Variants in GAS6 observed in about 807,000 individuals in gnomAD.
GAS6 encodes growth arrest specific 6.
GAS6 carries 41 observed loss-of-function variants against 75.8 expected under a neutral mutation model. The observed-to-expected ratio is 0.54, with a 90% confidence interval of 0.42 to 0.70. The LOEUF (loss-of-function observed/expected upper bound fraction) is 0.70, where lower values mean the gene tolerates loss of function less well. Among genes scored for constraint, GAS6 ranks in the 30% least tolerant of loss-of-function variants. The pLI is 0.00. For synonymous variants in GAS6, 432 were observed against 412.6 expected, an observed-to-expected ratio of 1.05 and a Z score of -0.57; for missense variants, 854 against 940.2, an observed-to-expected ratio of 0.91 and a Z score of 1.20.
intron 2 of GAS6, among the ~76,000 whole-genome samples, chr13:113,861,932 GGA>G (rs1265591682): frequency 6.6e-6 from 1 of 152,194 alleles, no homozygotes; most frequent in Non-Finnish European, 1.5e-5. Context: ...AGGATGGGAG[GGA>G]TGCCTCCCGG....
rs35275611 is a variant in GAS6, at chr13:113,850,593, G to T, written c.256-2543C>A. 9.7e-3 allele frequency among the ~76,000 whole-genome samples: 1,471 copies of T among 152,308 alleles called. 11 individuals carry two copies. Among genetic ancestry groups the T allele is most frequent in the Non-Finnish European group, 0.013 (888 of 68,032 alleles). On this transcript the variant is annotated intron_variant, in intron 2 of 14. Coordinates refer to ENST00000327773, the MANE Select transcript of GAS6 (RefSeq NM_000820.4). ...CCAAGCCACTGCACTGTTAGCTGAA[G>T]CTTCAAGAGGAAAAAGACAACATCT...
intron 2 of GAS6, among the ~76,000 whole-genome samples, chr13:113,858,129 T>C (rs1204188126): frequency 2.0e-5 from 3 of 152,226 alleles, no homozygotes; most frequent in Non-Finnish European, 4.4e-5. Context: ...TGTCACTTTT[T>C]AGTGATCCTG....
chr13:113,842,297 G>T, intron 4 of GAS6: 1 of 278,518 alleles, frequency 3.6e-6, no homozygotes, highest in Non-Finnish European at 6.4e-6. Flanking sequence ...GGGTGTGGAC[G>T]GAGCTCGCGT....
chr13:113,840,017 G>C, intron 4 of GAS6, 167 bp from the exon 5 acceptor site: 1 of 941,878 alleles, frequency 1.1e-6, no homozygotes, highest in Non-Finnish European at 1.6e-6. Flanking sequence ...TGCTGGCCTA[G>C]GGCTGACAGA....
At chr13:113,846,471 C>CTT in intron 4 of GAS6, 56 bp downstream of exon 4, 1 of 1,515,494 alleles carries the variant, frequency 6.6e-7, no homozygotes, top group Non-Finnish European at 9.2e-7. Flanking sequence ...ACAGCCAAGC[C>CTT]TAAAGCCGCC....
intron 12 of GAS6, 130 bp downstream of exon 12, chr13:113,826,866 T>TCCC (rs1566355137): frequency 1.1e-4 from 14 of 126,014 alleles, no homozygotes; most frequent in Admixed American, 1.6e-4. Context: ...CGCCCACCCA[T>TCCC]CCCTGCCCCG....
In GAS6 at chr13:113,835,789, C is replaced by A; in HGVS notation, c.590-154G>T. Reference sequence around the variant, plus strand: ...CCTGGCCCCATTTCCCTGCCCTCCTCCCCTGACCGGGCAGCTCCCGGGGTG... The same window carrying A: ...CCTGGCCCCATTTCCCTGCCCTCCTACCCTGACCGGGCAGCTCCCGGGGTG... On this transcript the variant is annotated intron_variant, in intron 6 of 14. Transcript: ENST00000327773. 6.2e-6 allele frequency: 9 copies of A among 1,455,268 alleles called. No homozygotes were observed. The South Asian group carries it at 1.2e-4, about 19-fold the overall frequency. 90.1% of individuals were successfully genotyped at this position (1,455,268 alleles called of 1,614,324 possible). A position where few individuals can be genotyped will look rare whatever the true frequency, so the allele number is the denominator to read the frequency against.
chr13:113,830,023 C>T (rs2051610565), intron 10 of GAS6, among the ~76,000 whole-genome samples: 2 of 152,364 alleles, frequency 1.3e-5, no homozygotes, highest in East Asian at 1.9e-4. Flanking sequence ...TCAGAGAGTC[C>T]CTGCTCATCA....
At chr13:113,822,249 A>T (rs1594186136) in intron 13 of GAS6, 63 bp from the exon 14 acceptor site, 1 of 1,305,882 alleles carries the variant, frequency 7.7e-7, no homozygotes, top group African/African-American at 1.5e-5. Context: ...GTTAGGTCCA[A>T]GCTGGTCCTC....
intron 10 of GAS6, among the ~76,000 whole-genome samples, chr13:113,830,898 G>A (rs1465768360): frequency 6.6e-6 from 1 of 152,246 alleles, no homozygotes; most frequent in East Asian, 1.9e-4. Flanking sequence ...TGCTTCCTTT[G>A]CTTTCTGTAG....
chr13:113,833,342 A>T (rs1186215905), intron 8 of GAS6: 1 of 998,682 alleles, frequency 1.0e-6, no homozygotes, highest in African/African-American at 1.7e-5. Context: ...CCTCAAGGCG[A>T]GGGCTGGCTG....
chr13:113,848,890 T>C lies in GAS6; in HGVS notation c.256-840A>G, dbSNP rs571005615. On this transcript the variant is annotated intron_variant, in intron 2 of 14. Transcript: ENST00000327773. This position sits in a 1 kb window ranked among gnomAD's most constrained non-coding sequence, Gnocchi z 4.8. ...AGGAAACCCGGCTTCAGGATGGTTG[T>C]GGGATTCACCTGGGGGCATGAAGGT... is the stretch of plus-strand genomic sequence containing the variant. Among the ~76,000 whole-genome samples, 23 of 152,334 alleles carry C rather than the reference T, an allele frequency of 1.5e-4. No homozygotes were observed. The highest frequency in any genetic ancestry group is 5.5e-4 in the African/African-American group (23 of 41,580).
At chr13:113,839,428 T>G (rs1331694202) in intron 5 of GAS6, 2 of 297,716 alleles carry the variant, frequency 6.7e-6, no homozygotes, top group Non-Finnish European at 1.2e-5. Context: ...TGGGTGCCAC[T>G]GACACCACAG....
intron 6 of GAS6, chr13:113,835,952 C>T: frequency 1.8e-6 from 2 of 1,136,148 alleles, no homozygotes; most frequent in Non-Finnish European, 1.1e-6. Context: ...AATGACGGTG[C>T]TACAGGACAC....
chr13:113,847,789 G>A, intron 3 of GAS6: 1 of 559,132 alleles, frequency 1.8e-6, no homozygotes, highest in Admixed American at 3.3e-5. Context: ...TCAGAGAAGG[G>A]GTTTGCAGAT....
chr13:113,826,741 C>A (rs925504733), intron 12 of GAS6, among the ~76,000 whole-genome samples: 81 of 151,978 alleles, frequency 5.3e-4, no homozygotes, highest in Middle Eastern at 3.4e-3. Flanking sequence ...GCACTGGCTT[C>A]GCAGGCACCT....
intron 12 of GAS6, among the ~76,000 whole-genome samples, chr13:113,825,798 C>T (rs546312299): frequency 2.7e-5 from 4 of 149,520 alleles, no homozygotes; most frequent in Non-Finnish European, 4.4e-5. Flanking sequence ...TTTCCTGACA[C>T]GGTCACGCTT....
At chr13:113,847,053 CG>C in intron 3 of GAS6, 6 of 501,058 alleles carry the variant, frequency 1.2e-5, no homozygotes, top group East Asian at 1.1e-4. Context: ...GCTAGGGCGG[CG>C]GGGGGAGGCG....
chr13:113,839,696 G>A (rs745945061), intron 5 of GAS6, 32 bp downstream of exon 5: 252 of 1,609,644 alleles, frequency 1.6e-4, no homozygotes, highest in Non-Finnish European at 2.1e-4. Context: ...GAGATGGAGG[G>A]AGACCCCGCC....
Sources: allele counts gnomAD v4.1 joint callset (sites outside exome capture counted in the v4.1 genomes callset), GRCh38; gene constraint gnomAD v4.1.1; non-coding constraint Gnocchi (gnomAD v3.1); transcripts MANE v1.5; gene names NCBI Gene and HGNC (gene_info 2026-07-23, HGNC 2026-07-21).